PCDH15: variants seen among roughly 807,000 people sequenced by gnomAD.
PCDH15 encodes protocadherin related 15.
PCDH15 carries 129 observed loss-of-function variants against 178.5 expected under a neutral mutation model. The observed-to-expected ratio is 0.72, with a 90% CI of 0.63 to 0.84. The LOEUF (loss-of-function observed/expected upper bound fraction) is 0.84, where lower values mean the gene tolerates loss of function less well. PCDH15 is among the 40% of genes least tolerant of loss of function. The pLI is 0.00. For synonymous variants in PCDH15, 800 were observed against 732.0 expected (o/e 1.09, Z -1.50); for missense variants, 2,230 against 2,099.9 (o/e 1.06, Z -1.21).
intron 1 of PCDH15, among the ~76,000 whole-genome samples, chr10:54,716,596 T>C (rs111922656): frequency 0.12 from 18,369 of 151,838 alleles, 1,223 homozygotes; most frequent in African/African-American, 0.17. Flanking sequence ...CTTGTGATTT[T>C]TGTACATTGA....
At chr10:55,023,922 T>C (rs1034926674) in intron 2 of PCDH15, among the ~76,000 whole-genome samples, 3 of 149,926 alleles carry the variant, frequency 2.0e-5, no homozygotes, top group East Asian at 2.0e-4. Flanking sequence ...TCTGTATACA[T>C]CTGGACCTGT....
intron 25 of PCDH15, among the ~76,000 whole-genome samples, chr10:53,923,114 C>T (rs2084149996): frequency 6.6e-6 from 1 of 152,014 alleles, no homozygotes; most frequent in African/African-American, 2.4e-5. Context: ...CAAAACAAAA[C>T]ACAAATATAG....
intron 23 of PCDH15, among the ~76,000 whole-genome samples, chr10:53,941,627 T>G (rs1168717915): frequency 6.6e-6 from 1 of 152,198 alleles, no homozygotes; most frequent in East Asian, 1.9e-4. Context: ...TATAAACATC[T>G]GTGTGTAGGT....
In PCDH15 at chr10:54,466,791, C is replaced by T. The variant is rs148012320; in HGVS notation, c.157+61021G>A. Among the ~76,000 whole-genome samples, 990 of 152,040 alleles carry T rather than the reference C, an allele frequency of 6.5e-3. 2 individuals are homozygous for T. The highest frequency in any genetic ancestry group is 9.9e-3 in the Non-Finnish European group (675 of 67,860). ...TAATGATGTTAATTCTTCCAATCCA[C>T]GAGCATGGAATCTTTCCATTTGTTT... On this transcript the variant is annotated intron_variant, in intron 3 of 37. Transcript: ENST00000644397.
intron 1 of PCDH15, among the ~76,000 whole-genome samples, chr10:54,735,508 A>T (rs1943981302): frequency 6.7e-6 from 1 of 148,792 alleles, no homozygotes. Flanking sequence ...CAGCCATCTC[A>T]TTACTGGGTA....
chr10:54,701,355 A>T (rs974946636), intron 1 of PCDH15, among the ~76,000 whole-genome samples: 3 of 152,120 alleles, frequency 2.0e-5, no homozygotes, highest in Non-Finnish European at 4.4e-5. Context: ...ATAAAAACAC[A>T]CTTTAGTACA....
chr10:54,553,022 A>T (rs1268827135), intron 2 of PCDH15, among the ~76,000 whole-genome samples: 1 of 152,168 alleles, frequency 6.6e-6, no homozygotes, highest in Admixed American at 6.6e-5. Flanking sequence ...TCCATTCCTA[A>T]TCAGTTCCTT....
intron 3 of PCDH15, among the ~76,000 whole-genome samples, chr10:54,485,549 A>C (rs1267107328): frequency 2.0e-5 from 3 of 151,980 alleles, no homozygotes. Flanking sequence ...CCTGAAAGCC[A>C]AAAACAACAG....
At chr10:55,287,032 T>G (rs1455377422) in intron 1 of PCDH15, among the ~76,000 whole-genome samples, 1 of 151,990 alleles carries the variant, frequency 6.6e-6, no homozygotes, top group Non-Finnish European at 1.5e-5. Flanking sequence ...TATTTAGAAC[T>G]CAAAAGCTTT....
chr10:55,148,615 T>A (rs1336568852), intron 2 of PCDH15, among the ~76,000 whole-genome samples: 1 of 151,798 alleles, frequency 6.6e-6, no homozygotes, highest in Non-Finnish European at 1.5e-5. Flanking sequence ...TACAATTAAA[T>A]GTAAGTTACA....
chr10:54,281,739 G>C (rs1446692966), intron 8 of PCDH15, among the ~76,000 whole-genome samples: 1 of 151,880 alleles, frequency 6.6e-6, no homozygotes, highest in Non-Finnish European at 1.5e-5. Flanking sequence ...GATAATTTTA[G>C]TACTACCATC....
intron 26 of PCDH15, among the ~76,000 whole-genome samples, chr10:53,872,765 G>T (rs2079960477): frequency 6.6e-6 from 1 of 152,126 alleles, no homozygotes; most frequent in Non-Finnish European, 1.5e-5. Flanking sequence ...TTAGTTCACA[G>T]ATTCTTTCAG....
intron 2 of PCDH15, among the ~76,000 whole-genome samples, chr10:54,956,895 A>G (rs1838504847): frequency 1.3e-5 from 2 of 151,718 alleles, no homozygotes; most frequent in Non-Finnish European, 3.0e-5. Flanking sequence ...ATCATTGAAT[A>G]TGGAATATGC....
At chr10:54,292,573 C>A (rs551714390) in intron 8 of PCDH15, among the ~76,000 whole-genome samples, 2 of 152,242 alleles carry the variant, frequency 1.3e-5, no homozygotes, top group East Asian at 3.9e-4. Context: ...TTAGAAAGCC[C>A]CATTGTCTCA....
intron 2 of PCDH15, among the ~76,000 whole-genome samples, chr10:54,937,678 C>T (rs1039842151): frequency 5.9e-5 from 9 of 151,882 alleles, no homozygotes; most frequent in African/African-American, 2.2e-4. Flanking sequence ...ACTCTGCAAC[C>T]TCGATGGTCT....
intron 1 of PCDH15, among the ~76,000 whole-genome samples, chr10:54,734,054 G>A (rs2132694725): frequency 6.6e-6 from 1 of 150,656 alleles, no homozygotes; most frequent in African/African-American, 2.4e-5. Flanking sequence ...AGAATATCAA[G>A]AGAAAAAACA....
chr10:54,143,717 TACTTATAAGCTTTAA>T (rs1354274148), intron 14 of PCDH15, among the ~76,000 whole-genome samples: 6 of 152,224 alleles, frequency 3.9e-5, no homozygotes, highest in Non-Finnish European at 8.8e-5. Flanking sequence ...TTTTTAGATC[TACTTATAAGCTTTAA>T]GTTATGCTTT....
intron 2 of PCDH15, among the ~76,000 whole-genome samples, chr10:54,916,549 T>C (rs981781333): frequency 2.0e-5 from 3 of 152,138 alleles, no homozygotes; most frequent in African/African-American, 7.2e-5. Flanking sequence ...AAAACATTTT[T>C]AAAGTTTCTA....
At chr10:55,571,702 T>C (rs1306487926) in intron 2 of PCDH15, among the ~76,000 whole-genome samples, 3 of 152,036 alleles carry the variant, frequency 2.0e-5, no homozygotes, top group African/African-American at 7.2e-5. Context: ...ATCACACATA[T>C]GAGACAACTG....
Sources: allele counts gnomAD v4.1 joint callset (sites outside exome capture counted in the v4.1 genomes callset), GRCh38; gene constraint gnomAD v4.1.1; transcripts MANE v1.5; gene names NCBI Gene and HGNC (gene_info 2026-07-23, HGNC 2026-07-21).